The following TRAPPC3L variants were observed in gnomAD, a reference collection of about 807,000 sequenced individuals.
The protein encoded by TRAPPC3L is trafficking protein particle complex subunit 3L, also known as trafficking protein particle complex subunit 3-like protein.
A neutral mutation model predicts 23.7 loss-of-function variants in TRAPPC3L; 23 were observed. The observed-to-expected ratio is 0.97, with a 90% CI of 0.70 to 1.37. The LOEUF is 1.37. TRAPPC3L is among the 40% of genes most tolerant of loss of function. TRAPPC3L has a pLI of 0.00. For missense variants in TRAPPC3L, 212 were observed against 216.8 expected (o/e 0.98, Z 0.14); for synonymous variants, 81 against 77.9 (o/e 1.04, Z -0.21).
intron 3 of TRAPPC3L, among the ~76,000 whole-genome samples, chr6:116,507,756 G>A (rs770346625): frequency 2.6e-5 from 4 of 152,160 alleles, no homozygotes; most frequent in Non-Finnish European, 5.9e-5. Context: ...AGGAACAAGT[G>A]GTAGTGGTGG....
chr6:116,505,234 A>T (rs1771983171), intron 3 of TRAPPC3L, among the ~76,000 whole-genome samples: 1 of 152,230 alleles, frequency 6.6e-6, no homozygotes, highest in African/African-American at 2.4e-5. Flanking sequence ...ACAGACAAAC[A>T]GAGAGCCAAA....
At chr6:116,501,213 G>C (rs1056570547) in intron 3 of TRAPPC3L, among the ~76,000 whole-genome samples, 4 of 152,230 alleles carry the variant, frequency 2.6e-5, no homozygotes, top group Non-Finnish European at 5.9e-5. Flanking sequence ...TGGCTCAGCA[G>C]GTCCCACGCC....
intron 3 of TRAPPC3L, among the ~76,000 whole-genome samples, chr6:116,536,566 T>C (rs1006228476): frequency 2.0e-5 from 3 of 152,244 alleles, no homozygotes; most frequent in Admixed American, 6.5e-5. Context: ...TCACTTCTCC[T>C]GTCTGGGCAT....
intron 2 of TRAPPC3L, among the ~76,000 whole-genome samples, chr6:116,542,278 G>A (rs1348840938): frequency 6.6e-6 from 1 of 151,842 alleles, no homozygotes; most frequent in Non-Finnish European, 1.5e-5. Flanking sequence ...GAATGCCCTT[G>A]ACTAATTAAG....
chr6:116,543,114 C>G (rs540469071), intron 2 of TRAPPC3L, among the ~76,000 whole-genome samples, 189 bp downstream of exon 2: 47 of 152,116 alleles, frequency 3.1e-4, no homozygotes, highest in Non-Finnish European at 6.0e-4. Flanking sequence ...GGAAAAAAAT[C>G]CTTCCTATTA....
intron 3 of TRAPPC3L, among the ~76,000 whole-genome samples, chr6:116,506,579 G>A (rs1014843547): frequency 2.6e-5 from 4 of 152,128 alleles, no homozygotes; most frequent in African/African-American, 9.7e-5. Flanking sequence ...GTTTATTATG[G>A]CACTATTCAC....
At chr6:116,506,765 C>T (rs924064370) in intron 3 of TRAPPC3L, among the ~76,000 whole-genome samples, 1 of 152,080 alleles carries the variant, frequency 6.6e-6, no homozygotes, top group Non-Finnish European at 1.5e-5. Flanking sequence ...ATCATAAGGA[C>T]AGAGAACCAA....
chr6:116,531,183 C>G (rs1772697185), intron 3 of TRAPPC3L, among the ~76,000 whole-genome samples: 1 of 151,878 alleles, frequency 6.6e-6, no homozygotes, highest in Non-Finnish European at 1.5e-5. Context: ...TAGCATGAAA[C>G]TCTACTTAAC....
intron 1 of TRAPPC3L, chr6:116,543,622 A>G: frequency 1.5e-6 from 1 of 646,288 alleles, no homozygotes; most frequent in Non-Finnish European, 2.7e-6. Flanking sequence ...AATAAAATGA[A>G]TTTCGTAACA....
Position 116,540,469 on chromosome 6 carries a change from A to C in TRAPPC3L, c.141-7T>G. 6.4e-7 allele frequency: 1 copy of C among 1,550,702 alleles called. No individual in the cohort carries two copies. The highest frequency in any genetic ancestry group is 1.2e-5 in the South Asian group (1 of 83,918). On this transcript the variant is annotated splice_polypyrimidine_tract_variant and splice_region_variant and intron_variant, in intron 2 of 4. Coordinates refer to ENST00000368602, the MANE Select transcript of TRAPPC3L (RefSeq NM_001139444.3). Reference sequence around the variant, plus strand: ...CGTTCCAATGCCGTAACCCCTGTGGATGACGGAAAGAGTGTGGTCTGAAAA... The same window carrying C: ...CGTTCCAATGCCGTAACCCCTGTGGCTGACGGAAAGAGTGTGGTCTGAAAA...
At chr6:116,497,592 T>C (rs879658957) in intron 4 of TRAPPC3L, among the ~76,000 whole-genome samples, 8 of 152,174 alleles carry the variant, frequency 5.3e-5, no homozygotes, top group Non-Finnish European at 8.8e-5. Context: ...ATTATAGATA[T>C]AAAATTAAAG....
intron 4 of TRAPPC3L, among the ~76,000 whole-genome samples, chr6:116,499,682 T>TA (rs1242713518): frequency 6.6e-6 from 1 of 152,162 alleles, no homozygotes; most frequent in African/African-American, 2.4e-5. Context: ...TTCTACCTGT[T>TA]AGATTATTTT....
In TRAPPC3L at chr6:116,496,767, A is replaced by C. The variant is rs1771838503; in HGVS notation, c.*187T>G. On this transcript the variant is annotated 3_prime_UTR_variant, in exon 5 of 5. Transcript: ENST00000368602. ...GAAATTTTGTGGACATGAGATTGAA[A>C]ATGCGTGATTTATAAGCAAAAGGAA... The C allele has an allele frequency of 1.3e-6, 1 of 758,558 alleles. No individual in the cohort carries two copies. The highest frequency in any genetic ancestry group is 1.9e-5 in the African/African-American group (1 of 53,388). 47.0% of individuals were successfully genotyped at this position (758,558 alleles called of 1,614,324 possible).
chr6:116,511,634 C>G, intron 3 of TRAPPC3L: 1 of 1,495,104 alleles, frequency 6.7e-7, no homozygotes, highest in Non-Finnish European at 9.1e-7. Context: ...CCACCCTCGG[C>G]CACTGCCACA....
chr6:116,505,848 A>G (rs955732907), intron 3 of TRAPPC3L, among the ~76,000 whole-genome samples: 18 of 152,212 alleles, frequency 1.2e-4, no homozygotes, highest in Admixed American at 1.0e-3. Context: ...CCTTCCTTAC[A>G]CCTTATACAA....
intron 3 of TRAPPC3L, among the ~76,000 whole-genome samples, chr6:116,526,681 A>G (rs1198074726): frequency 2.0e-5 from 3 of 152,150 alleles, no homozygotes; most frequent in African/African-American, 7.2e-5. Flanking sequence ...CCAGGCAGGG[A>G]TGGCCTGGGA....
chr6:116,517,139 A>G (rs1440403316), intron 3 of TRAPPC3L: 1 of 152,086 alleles, frequency 6.6e-6, no homozygotes, highest in Non-Finnish European at 1.5e-5. Context: ...TGGAGGCTCC[A>G]CCTTCATGAC....
intron 4 of TRAPPC3L, 102 bp from the exon 5 acceptor site, chr6:116,497,175 G>T (rs916921568): frequency 3.5e-6 from 5 of 1,416,388 alleles, no homozygotes; most frequent in East Asian, 2.6e-5. Context: ...CTTAAGAAAT[G>T]ATTTTTAAAA....
At chr6:116,497,243 G>A in intron 4 of TRAPPC3L, 170 bp from the exon 5 acceptor site, 3 of 805,012 alleles carry the variant, frequency 3.7e-6, no homozygotes, top group East Asian at 3.0e-5. Flanking sequence ...TGGTCCAGCT[G>A]TGTGTCAGCT....
Sources: allele counts gnomAD v4.1 joint callset (sites outside exome capture counted in the v4.1 genomes callset), GRCh38; gene constraint gnomAD v4.1.1; transcripts MANE v1.5; gene names NCBI Gene and HGNC (gene_info 2026-07-23, HGNC 2026-07-21).